The following DPP6 variants were observed in gnomAD, a reference collection of about 807,000 sequenced individuals.
DPP6 encodes A-type potassium channel modulatory protein DPP6.
DPP6 carries 69 observed loss-of-function variants against 122.6 expected under a neutral mutation model. The ratio of observed to expected loss-of-function variants is 0.56; its 90% CI spans 0.46 to 0.69. The LOEUF (loss-of-function observed/expected upper bound fraction) is 0.69. Ranked by LOEUF, DPP6 falls within the 30% of genes least tolerant of loss-of-function variation. The pLI is 0.00. For missense variants in DPP6, 928 were observed against 1,116.9 expected (o/e 0.83, Z 2.41); for synonymous variants, 418 against 433.1 (o/e 0.97, Z 0.43).
chr7:154,767,314 G>A (rs1268911806), intron 8 of DPP6, among the ~76,000 whole-genome samples: 2 of 152,082 alleles, frequency 1.3e-5, no homozygotes, highest in Admixed American at 1.3e-4. Context: ...GCCCTGCAGC[G>A]CAGACGTGAT....
At chr7:154,613,619 C>CAAAAAAAAA (rs749561005) in intron 5 of DPP6, among the ~76,000 whole-genome samples, 6 of 51,830 alleles carry the variant, frequency 1.2e-4, no homozygotes, top group African/African-American at 4.6e-4. Flanking sequence ...GACTCTGTCT[C>CAAAAAAAAA]AAAAAAAAAA....
chr7:153,909,750 C>T (rs1204904484), intron 1 of DPP6, among the ~76,000 whole-genome samples: 1 of 152,190 alleles, frequency 6.6e-6, no homozygotes, highest in Non-Finnish European at 1.5e-5. Context: ...TGGTGAACAG[C>T]AAATTCTGAG....
intron 6 of DPP6, among the ~76,000 whole-genome samples, chr7:154,643,738 G>A (rs1836265617): frequency 1.3e-5 from 2 of 152,160 alleles, no homozygotes; most frequent in South Asian, 4.1e-4. Context: ...GAAGTGCTGG[G>A]ATTACAGGCG....
At chr7:154,118,946 G>C (rs1411095665) in intron 1 of DPP6, among the ~76,000 whole-genome samples, 1 of 150,346 alleles carries the variant, frequency 6.7e-6, no homozygotes, top group African/African-American at 2.5e-5. Context: ...TAAAATAAAA[G>C]CTGACCGACT....
chr7:153,983,845 C>A (rs1376662364), intron 1 of DPP6, among the ~76,000 whole-genome samples: 1 of 151,994 alleles, frequency 6.6e-6, no homozygotes, highest in Non-Finnish European at 1.5e-5. Context: ...GATGCCCCAC[C>A]CTGCTTCTGC....
intron 1 of DPP6, among the ~76,000 whole-genome samples, chr7:154,329,151 A>G (rs891766382): frequency 6.6e-6 from 1 of 152,234 alleles, no homozygotes; most frequent in African/African-American, 2.4e-5. Flanking sequence ...ATTTACTTAA[A>G]TATTCCCTAT....
intron 4 of DPP6, among the ~76,000 whole-genome samples, chr7:154,553,590 G>A (rs1829791296): frequency 1.3e-5 from 2 of 152,120 alleles, no homozygotes; most frequent in Admixed American, 6.5e-5. Flanking sequence ...AGAAAAAAGA[G>A]GTTAAAAAAC....
the DPP6 span, among the ~76,000 whole-genome samples, chr7:153,851,644 C>T: frequency 3.9e-5 from 6 of 152,014 alleles, no homozygotes; most frequent in East Asian, 1.2e-3. Flanking sequence ...GGTGTCCTGT[C>T]CATTTATAAA....
intron 1 of DPP6, among the ~76,000 whole-genome samples, chr7:154,083,329 C>G (rs2150533085): frequency 6.6e-6 from 1 of 152,258 alleles, no homozygotes; most frequent in East Asian, 1.9e-4. Context: ...CCCAGCCACT[C>G]AGGTTGGCAG....
chr7:153,775,020 CA>C, the DPP6 span, among the ~76,000 whole-genome samples: 3 of 150,156 alleles, frequency 2.0e-5, no homozygotes, highest in African/African-American at 4.9e-5. Flanking sequence ...TTCTAAAAAG[CA>C]GAGAAGATAG....
At chr7:154,886,870 G>A (rs964630503) in intron 22 of DPP6, among the ~76,000 whole-genome samples, 3 of 152,194 alleles carry the variant, frequency 2.0e-5, no homozygotes, top group African/African-American at 4.8e-5. Context: ...CCTTCACAGC[G>A]GGCTCACTCC....
At chr7:153,887,652 G>A in exon 1 of DPP6, 1 of 1,613,156 alleles carries the variant, frequency 6.2e-7, no homozygotes, top group South Asian at 1.1e-5. Context: ...TCTCTTCCCT[G>A]GACCAGAAGT....
intron 5 of DPP6, among the ~76,000 whole-genome samples, chr7:154,593,408 C>A (rs1586700678): frequency 1.3e-5 from 2 of 152,232 alleles, no homozygotes; most frequent in Non-Finnish European, 2.9e-5. Flanking sequence ...TTTGAAAAAC[C>A]AAACAGATGG....
At chr7:154,096,889 A>C (rs545647558) in intron 1 of DPP6, among the ~76,000 whole-genome samples, 1 of 152,252 alleles carries the variant, frequency 6.6e-6, no homozygotes, top group Admixed American at 6.5e-5. Flanking sequence ...AACGTGATTT[A>C]TATTTTTAGA....
chr7:154,450,838 C>G (rs1409162782), intron 2 of DPP6, among the ~76,000 whole-genome samples: 2 of 152,178 alleles, frequency 1.3e-5, no homozygotes, highest in African/African-American at 2.4e-5. Flanking sequence ...TAGAGGAAGT[C>G]AAGTTTTCCT....
At chr7:153,879,394 T>A in the DPP6 span, among the ~76,000 whole-genome samples, 1 of 152,192 alleles carries the variant, frequency 6.6e-6, no homozygotes, top group Non-Finnish European at 1.5e-5. Context: ...TTTCTTTCTT[T>A]CTTTTTTTAT....
At chr7:154,596,139 A>G (rs1228657287) in intron 5 of DPP6, among the ~76,000 whole-genome samples, 2 of 152,148 alleles carry the variant, frequency 1.3e-5, no homozygotes, top group Non-Finnish European at 2.9e-5. Flanking sequence ...TGTACATAAA[A>G]CCCTCATCTC....
intron 16 of DPP6, among the ~76,000 whole-genome samples, chr7:154,817,627 G>A (rs1229363328): frequency 2.0e-5 from 3 of 152,194 alleles, no homozygotes; most frequent in Non-Finnish European, 4.4e-5. Context: ...TGAACATCAT[G>A]AGTGAATGAT....
chr7:154,688,496 G>C (rs1434197450), intron 7 of DPP6, among the ~76,000 whole-genome samples: 3 of 151,934 alleles, frequency 2.0e-5, no homozygotes, highest in Non-Finnish European at 4.4e-5. Flanking sequence ...TATTAGTCAG[G>C]GTTCAGACTA....
Sources: gnomAD v4.1 joint callset for allele counts (sites outside exome capture counted in the v4.1 genomes callset) on GRCh38, gnomAD v4.1.1 for gene constraint, MANE v1.5 for transcripts, NCBI Gene and HGNC (gene_info 2026-07-23, HGNC 2026-07-21) for gene names.